Variants in TBX18 observed in about 807,000 individuals in gnomAD.
TBX18 encodes T-box transcription factor TBX18.
Under a neutral mutation model 55.0 loss-of-function variants are expected in TBX18, and 21 were observed. The observed-to-expected ratio is 0.38, with a 90% confidence interval of 0.27 to 0.55. The LOEUF (loss-of-function observed/expected upper bound fraction) is 0.55, where lower values mean the gene tolerates loss of function less well. TBX18 is among the 20% of genes least tolerant of loss of function. TBX18 has a pLI of 0.73. For missense variants in TBX18, 840 were observed against 799.6 expected (o/e 1.05, Z -0.61); for synonymous variants, 342 against 326.1 (o/e 1.05, Z -0.53).
intron 6 of TBX18, chr6:84,741,674 T>C (rs1767052280): frequency 6.6e-6 from 1 of 152,120 alleles, no homozygotes; most frequent in Non-Finnish European, 1.5e-5. Flanking sequence ...GTCGGGGAAA[T>C]AAAAATAGAA....
chr6:84,754,663 T>C lies in TBX18; in HGVS notation c.771+2035A>G, dbSNP rs111328584. On this transcript the variant is annotated intron_variant, in intron 4 of 7. Coordinates refer to ENST00000369663, the MANE Select transcript of TBX18 (RefSeq NM_001080508.3). ...GCTATGTGACAGTTAATCTTATGTGTCAAATTGGCTATGCCACAGTACCCA... is the reference window on the plus strand; with the variant it reads ...GCTATGTGACAGTTAATCTTATGTGCCAAATTGGCTATGCCACAGTACCCA... Among the ~76,000 whole-genome samples the C allele has an allele frequency of 1.9e-3, 287 of 152,364 alleles. 1 individual carries two copies. The highest frequency in any genetic ancestry group is 5.4e-3 in the African/African-American group (224 of 41,584).
chr6:84,762,251 T>G (rs1285333452), intron 2 of TBX18, among the ~76,000 whole-genome samples: 2 of 152,178 alleles, frequency 1.3e-5, no homozygotes, highest in Non-Finnish European at 2.9e-5. Context: ...CTCAAATTTA[T>G]AACCGCCCTG....
chr6:84,736,534 A>T lies in TBX18; in HGVS notation c.*151T>A. 1.2e-6 allele frequency: 1 copy of T among 819,416 alleles called. No homozygotes were observed. The highest frequency in any genetic ancestry group is 1.8e-6 in the Non-Finnish European group (1 of 556,958). The allele number at this position is 819,416 out of a possible 1,614,324, so 50.8% of individuals were successfully genotyped here. On this transcript the variant is annotated 3_prime_UTR_variant, in exon 8 of 8. Coordinates refer to ENST00000369663, the MANE Select transcript of TBX18 (RefSeq NM_001080508.3). ...ATATACCATAGATAATTACAATCTC[A>T]CCATGATAAAGTCAAAAAACCCAGT...
At chr6:84,738,665 C>G in intron 6 of TBX18, 74 bp from the exon 7 acceptor site, 2 of 1,124,646 alleles carry the variant, frequency 1.8e-6, no homozygotes, top group Non-Finnish European at 2.7e-6. Context: ...TCACCAGCAG[C>G]AAGCATCTCA....
In TBX18 at chr6:84,762,453, G is replaced by C. The variant is rs796507296; in HGVS notation, c.497+91C>G. ...GAAAATGCTATCCAGAACCCCCACC[G>C]AGCTGCAGGCCCTTCTTCCTGATTG... On this transcript the variant is annotated intron_variant, in intron 2 of 7. Coordinates refer to ENST00000369663, the MANE Select transcript of TBX18 (RefSeq NM_001080508.3). The C allele has an allele frequency of 4.8e-6, 7 of 1,449,826 alleles. No individual in the cohort carries two copies. The South Asian group carries it at 5.7e-5, about 12-fold the overall frequency. 89.8% of individuals were successfully genotyped at this position (1,449,826 alleles called of 1,614,324 possible).
intron 6 of TBX18, among the ~76,000 whole-genome samples, chr6:84,739,781 G>A (rs1766999881): frequency 6.6e-6 from 1 of 152,158 alleles, no homozygotes; most frequent in African/African-American, 2.4e-5. Context: ...ACAATATGGT[G>A]AAAGCTCTCT....
Position 84,736,826 on chromosome 6 carries a change from C to T in TBX18, c.1683G>A (p.Gly561=). ...QGSFLGSSPS[G]TMTDRQMLPP... ...GCAACATCTGCCGATCCGTCATGGT[C>T]CCACTCGGTGAGGACCCCAAGAAAC... The change falls in exon 8 of 8, where the codon GGG becomes GGA. Residue 561 remains glycine, a synonymous_variant. Coordinates refer to ENST00000369663, the MANE Select transcript of TBX18 (RefSeq NM_001080508.3). 2.5e-6 allele frequency: 4 copies of T among 1,614,106 alleles called. No homozygotes were observed. The highest frequency in any genetic ancestry group is 1.1e-5 in the South Asian group (1 of 91,052).
chr6:84,740,592 TG>T (rs1237561617), intron 6 of TBX18, among the ~76,000 whole-genome samples: 1 of 145,320 alleles, frequency 6.9e-6, no homozygotes, highest in African/African-American at 2.4e-5. Context: ...ATGTTGCCTG[TG>T]GGTATGTTTA....
chr6:84,760,979 G>A (rs1767632218), intron 2 of TBX18, among the ~76,000 whole-genome samples: 1 of 152,004 alleles, frequency 6.6e-6, no homozygotes, highest in South Asian at 2.1e-4. Context: ...TTCTTCCCCC[G>A]CCATACCATG....
chr6:84,746,293 C>A (rs1008685592), intron 5 of TBX18, among the ~76,000 whole-genome samples: 4 of 151,494 alleles, frequency 2.6e-5, no homozygotes, highest in Admixed American at 6.6e-5. Flanking sequence ...TAAAAGAATA[C>A]TAAATGCCTC....
chr6:84,758,872 A>G (rs1002056636), intron 3 of TBX18, among the ~76,000 whole-genome samples: 1 of 152,194 alleles, frequency 6.6e-6, no homozygotes, highest in Non-Finnish European at 1.5e-5. Context: ...TTACAATTTG[A>G]TCTTTTAAAA....
At chr6:84,743,029 T>C (rs2127873388) in intron 6 of TBX18, among the ~76,000 whole-genome samples, 1 of 152,280 alleles carries the variant, frequency 6.6e-6, no homozygotes, top group Middle Eastern at 3.4e-3. Flanking sequence ...TTTCTCTACA[T>C]TGAAACACAC....
chr6:84,763,949 G>C lies in TBX18; in HGVS notation c.233C>G (p.Pro78Arg), dbSNP rs771329724. 3 of 1,578,956 alleles carry C rather than the reference G, an allele frequency of 1.9e-6. No homozygotes were observed. Among genetic ancestry groups the C allele is most frequent in the Admixed American group, 1.7e-5 (1 of 57,710 alleles). ...AGCCGGCCCAGACGTCGCCCCAGCC[G>C]GCGGCGGGAGCGCAGCGCCTTCGTC... ...EGDEGAALPP[P>R]AGATSGPARS... Residue 78 changes from proline to arginine, a missense_variant, in exon 1 of 8, where the codon CCG (proline) becomes CGG (arginine). Pro to Arg is a moderately radical substitution (Grantham distance 103). Transcript: ENST00000369663.
rs1435110186 is a variant in TBX18, at chr6:84,739,510, A to C, written c.1005-919T>G. ...CCATTCACTCAACTAGATCATTCTC[A>C]AGACAGCCACACCTGAGACCTCATC... is the stretch of plus-strand genomic sequence containing the variant. On this transcript the variant is annotated intron_variant, in intron 6 of 7. Transcript: ENST00000369663. 3.9e-5 allele frequency among the ~76,000 whole-genome samples: 6 copies of C among 152,204 alleles called. No homozygotes were observed. The East Asian group carries it at 1.2e-3, about 29-fold the overall frequency.
chr6:84,745,552 G>C (rs573505020), intron 5 of TBX18, among the ~76,000 whole-genome samples: 22 of 152,000 alleles, frequency 1.4e-4, no homozygotes, highest in Non-Finnish European at 3.1e-4. Context: ...TGTTATCTTA[G>C]TATGTGGATA....
At chr6:84,759,946 C>T (rs1447060420) in intron 3 of TBX18, among the ~76,000 whole-genome samples, 1 of 152,044 alleles carries the variant, frequency 6.6e-6, no homozygotes, top group Non-Finnish European at 1.5e-5. Flanking sequence ...TCTCAAAATT[C>T]GAATTGAAGT....
At chr6:84,754,392 G>A (rs2127878635) in intron 4 of TBX18, among the ~76,000 whole-genome samples, 1 of 152,244 alleles carries the variant, frequency 6.6e-6, no homozygotes, top group South Asian at 2.1e-4. Context: ...CAATTCACTT[G>A]CTTCCAAATT....
At chr6:84,754,648 AG>A (rs1348408547) in intron 4 of TBX18, among the ~76,000 whole-genome samples, 7 of 152,224 alleles carry the variant, frequency 4.6e-5, no homozygotes, top group Non-Finnish European at 7.3e-5. Context: ...GCTATGTGAC[AG>A]TTAATCTTAT....
Position 84,745,423 on chromosome 6 carries a change from A to G in TBX18, c.940-1098T>C, listed in dbSNP as rs147589972. The stretch of plus-strand genomic sequence containing the variant: ...AAAGTTAATGAACATACTTCTAATT[A>G]CACCATCTTGGCTAAGGACAAAAAC... On this transcript the variant is annotated intron_variant, in intron 5 of 7. Transcript: ENST00000369663. Among the ~76,000 whole-genome samples, 601 of 152,234 alleles carry G rather than the reference A, an allele frequency of 3.9e-3. 3 individuals are homozygous for G. Among genetic ancestry groups the G allele is most frequent in the African/African-American group, 0.011 (452 of 41,526 alleles).
Sources: gnomAD v4.1 joint callset for allele counts (sites outside exome capture counted in the v4.1 genomes callset) on GRCh38, gnomAD v4.1.1 for gene constraint, MANE v1.5 for transcripts, NCBI Gene and HGNC (gene_info 2026-07-23, HGNC 2026-07-21) for gene names.